The following PIK3CA variants were observed in gnomAD, a reference collection of about 807,000 sequenced individuals.
PIK3CA encodes the protein phosphatidylinositol 4,5-bisphosphate 3-kinase catalytic subunit alpha isoform.
PIK3CA carries 27 observed loss-of-function variants against 138.2 expected under a neutral mutation model. That is an observed-to-expected ratio of 0.20 (90% CI 0.14 to 0.27). The LOEUF is 0.27. Ranked by LOEUF, PIK3CA falls within the 10% of genes least tolerant of loss-of-function variation. PIK3CA has a pLI of 1.00. For missense variants in PIK3CA, 544 were observed against 1,277.4 expected, an observed-to-expected ratio of 0.43 and a Z score of 8.75; for synonymous variants, 358 against 413.2, an observed-to-expected ratio of 0.87 and a Z score of 1.62.
intron 1 of PIK3CA, among the ~76,000 whole-genome samples, chr3:179,156,182 A>G (rs906310190): frequency 1.5e-4 from 23 of 152,254 alleles, no homozygotes; most frequent in Non-Finnish European, 2.8e-4. Flanking sequence ...ATTCTGTGGC[A>G]GAGAAAAGCT....
intron 17 of PIK3CA, among the ~76,000 whole-genome samples, chr3:179,226,284 C>G (rs1388486060): frequency 6.6e-6 from 1 of 152,084 alleles, no homozygotes; most frequent in East Asian, 1.9e-4. Context: ...GGAGTGTCAC[C>G]ATTAGGAACA....
rs200643359 is a variant in PIK3CA at position 179,210,151 on chromosome 3, T to G, written c.1252-35T>G. ...AAGTGTTTTGAAATGTGTTTTATAATTTAGACTAGTGAATATTTTTCTTTG... is the reference window on the plus strand; with the variant it reads ...AAGTGTTTTGAAATGTGTTTTATAAGTTAGACTAGTGAATATTTTTCTTTG... On this transcript the variant is annotated intron_variant, in intron 7 of 20. Transcript: ENST00000263967. The G allele has an allele frequency of 3.3e-5, 49 of 1,491,586 alleles. No individual in the cohort carries two copies. The African/African-American group carries it at 4.2e-4, about 13-fold the overall frequency. 92.4% of individuals were successfully genotyped at this position (1,491,586 alleles called of 1,614,324 possible). A position where few individuals can be genotyped will look rare whatever the true frequency, so the allele number is the denominator to read the frequency against.
chr3:179,206,918 C>CAA (rs538878817), intron 6 of PIK3CA, among the ~76,000 whole-genome samples: 4 of 58,334 alleles, frequency 6.9e-5, no homozygotes, highest in Non-Finnish European at 1.1e-4. Context: ...GACCCCGACT[C>CAA]AAAAAAAAAA....
intron 4 of PIK3CA, among the ~76,000 whole-genome samples, chr3:179,202,291 G>T (rs1160872472): frequency 6.6e-6 from 1 of 151,866 alleles, no homozygotes; most frequent in Non-Finnish European, 1.5e-5. Flanking sequence ...GGTTGGTCTC[G>T]AATTCTGGGC....
rs748758010 is a variant in PIK3CA, at chr3:179,226,047, A to G, written c.2495+7A>G. ...ATCAAGGTCTTGATCTTCGGTAGGT[A>G]ACCAGTAAGGCAACCTGTATGTTGA... On this transcript the variant is annotated splice_region_variant and intron_variant, in intron 17 of 20. Transcript: ENST00000263967. The G allele has an allele frequency of 1.3e-6, 2 of 1,516,348 alleles. No homozygotes were observed. The highest frequency in any genetic ancestry group is 1.8e-6 in the Non-Finnish European group (2 of 1,092,386). 93.9% of individuals were successfully genotyped at this position (1,516,348 alleles called of 1,614,324 possible).
At position 179,234,165 on chromosome 3, in the gene PIK3CA, C is replaced by T. The variant is rs2108429251; in HGVS notation, c.3008C>T (p.Ser1003Leu). Residue 1003 changes from serine to leucine, a missense_variant, in exon 21 of 21, where the codon TCA (serine) becomes TTA (leucine). Coordinates refer to ENST00000263967, the MANE Select transcript of PIK3CA (RefSeq NM_006218.4). The surrounding 1 kb of genome is among the most constrained non-coding windows in gnomAD (Gnocchi z 5.1). ...QHANLFINLF[S>L]MMLGSGMPEL... is the part of the protein sequence containing the mutation. ...GCCAATCTCTTCATAAATCTTTTCT[C>T]AATGATGCTTGGCTCTGGAATGCCA... 1.2e-6 allele frequency: 2 copies of T among 1,613,260 alleles called. No homozygotes were observed. The highest frequency in any genetic ancestry group is 1.7e-6 in the Non-Finnish European group (2 of 1,179,370).
intron 1 of PIK3CA, among the ~76,000 whole-genome samples, chr3:179,169,995 C>T (rs996107688): frequency 6.6e-6 from 1 of 152,172 alleles, no homozygotes; most frequent in African/African-American, 2.4e-5. Flanking sequence ...CATTAATTCT[C>T]TCTCTTTCCC....
chr3:179,208,369 T>A (rs951771967), intron 6 of PIK3CA, among the ~76,000 whole-genome samples: 1 of 152,198 alleles, frequency 6.6e-6, no homozygotes, highest in Non-Finnish European at 1.5e-5. Flanking sequence ...ATCTAACATA[T>A]GAGCTTCTAT....
At chr3:179,168,324 A>G (rs1723468759) in intron 1 of PIK3CA, among the ~76,000 whole-genome samples, 1 of 152,164 alleles carries the variant, frequency 6.6e-6, no homozygotes. Context: ...CCAGCATTTT[A>G]ATTACTGCAT....
rs1225265898 is a variant in PIK3CA, at chr3:179,233,992, T to C, written c.2937-102T>C. On this transcript the variant is annotated intron_variant, in intron 20 of 20. Coordinates refer to ENST00000263967, the MANE Select transcript of PIK3CA (RefSeq NM_006218.4). ...AGAGGAATGCTATTTTTTTATAGCTTTGTCTACGAAAGCCTCTCTAATTTT... is the reference window on the plus strand; with the variant it reads ...AGAGGAATGCTATTTTTTTATAGCTCTGTCTACGAAAGCCTCTCTAATTTT... 3 of 740,696 alleles carry C rather than the reference T, an allele frequency of 4.1e-6. No individual in the cohort carries two copies. In the African/African-American group the frequency reaches 5.3e-5, roughly 13 times the overall value. 45.9% of individuals were successfully genotyped at this position (740,696 alleles called of 1,614,324 possible).
At chr3:179,172,382 A>G (rs1723580326) in intron 1 of PIK3CA, among the ~76,000 whole-genome samples, 1 of 152,156 alleles carries the variant, frequency 6.6e-6, no homozygotes, top group Non-Finnish European at 1.5e-5. Flanking sequence ...GTCCTAGCTA[A>G]TGCAGTAAGG....
At chr3:179,151,546 A>C (rs988700835) in intron 1 of PIK3CA, among the ~76,000 whole-genome samples, 33 of 152,310 alleles carry the variant, frequency 2.2e-4, no homozygotes, top group African/African-American at 7.7e-4. Context: ...ATGCTCATTT[A>C]ATTGGTCTGA....
At chr3:179,182,005 A>C (rs1005629999) in intron 1 of PIK3CA, among the ~76,000 whole-genome samples, 1 of 152,164 alleles carries the variant, frequency 6.6e-6, no homozygotes, top group African/African-American at 2.4e-5. Flanking sequence ...CCAACCTAAA[A>C]ACTTTCCCAT....
intron 14 of PIK3CA, among the ~76,000 whole-genome samples, chr3:179,223,083 T>A (rs1026101574): frequency 6.6e-6 from 1 of 152,208 alleles, no homozygotes; most frequent in South Asian, 2.1e-4. Flanking sequence ...TGGCTTTGTG[T>A]TTTGTTGTAA....
At chr3:179,224,263 G>A (rs1725032457) in intron 15 of PIK3CA, 76 bp downstream of exon 15, 3 of 720,034 alleles carry the variant, frequency 4.2e-6, no homozygotes, top group Admixed American at 2.3e-5. Flanking sequence ...AAGTAAAAAT[G>A]TCTGTTATAA....
intron 1 of PIK3CA, among the ~76,000 whole-genome samples, chr3:179,184,293 T>C (rs533209792): frequency 6.6e-6 from 1 of 152,338 alleles, no homozygotes; most frequent in South Asian, 2.1e-4. Flanking sequence ...TTTGAAAATA[T>C]TGTCCTTGCA....
intron 3 of PIK3CA, 75 bp downstream of exon 3, chr3:179,199,974 C>CTTTT: frequency 1.5e-6 from 1 of 689,008 alleles, no homozygotes; most frequent in Non-Finnish European, 2.3e-6. Flanking sequence ...TTTGTATAGT[C>CTTTT]TTTTTTTTTT....
intron 6 of PIK3CA, among the ~76,000 whole-genome samples, chr3:179,208,537 A>G (rs982093804): frequency 5.9e-5 from 9 of 152,154 alleles, no homozygotes; most frequent in Non-Finnish European, 1.2e-4. Flanking sequence ...AAAAAGGGGA[A>G]ATAAGATTCT....
At chr3:179,170,216 C>T (rs969067011) in intron 1 of PIK3CA, among the ~76,000 whole-genome samples, 2 of 152,132 alleles carry the variant, frequency 1.3e-5, no homozygotes, top group African/African-American at 4.8e-5. Context: ...ATTCATATTA[C>T]GAATAATTCA....
Sources: gnomAD v4.1 joint callset for allele counts (sites outside exome capture counted in the v4.1 genomes callset) on GRCh38, gnomAD v4.1.1 for gene constraint, Gnocchi (gnomAD v3.1) non-coding constraint, MANE v1.5 for transcripts, NCBI Gene and HGNC (gene_info 2026-07-23, HGNC 2026-07-21) for gene names.